Variants in LIMD1 observed in about 807,000 individuals in gnomAD.
LIMD1 encodes the protein LIM domain-containing protein 1.
A neutral mutation model predicts 58.4 loss-of-function variants in LIMD1; 23 were observed. The observed-to-expected ratio is 0.39, with a 90% CI of 0.28 to 0.56. The LOEUF is 0.56. LIMD1 is among the 20% of genes least tolerant of loss of function. LIMD1 has a pLI of 0.57. For synonymous variants in LIMD1, 334 were observed against 345.5 expected, an observed-to-expected ratio of 0.97 and a Z score of 0.37; for missense variants, 838 against 855.5, an observed-to-expected ratio of 0.98 and a Z score of 0.25.
chr3:45,645,426 T>C lies in LIMD1; in HGVS notation c.1510+9175T>C, dbSNP rs368246879. ...ACTTTGGTGTAACCTATACCTTATG[T>C]GGCCATGTCTGCATCCTAAGCTCCT... On this transcript the variant is annotated intron_variant, in intron 2 of 7. Coordinates refer to ENST00000273317, the MANE Select transcript of LIMD1 (RefSeq NM_014240.3). Among the ~76,000 whole-genome samples the C allele has an allele frequency of 2.6e-5, 4 of 152,246 alleles. No homozygotes were observed. The East Asian group carries it at 5.8e-4, about 22-fold the overall frequency.
Position 45,632,634 on chromosome 3 carries a change from T to A in LIMD1, c.1409-3516T>A, listed in dbSNP as rs1351567899. Reference sequence around the variant, plus strand: ...AACTCACACTTGTTTCCTTGAGCACTTGCGGAGGCCACAGTTAAGACATGG... The same window carrying A: ...AACTCACACTTGTTTCCTTGAGCACATGCGGAGGCCACAGTTAAGACATGG... On this transcript the variant is annotated intron_variant, in intron 1 of 7. Coordinates refer to ENST00000273317, the MANE Select transcript of LIMD1 (RefSeq NM_014240.3). The A allele has an allele frequency of 3.9e-6, 3 of 775,114 alleles. No homozygotes were observed. The African/African-American group carries it at 5.6e-5, about 15-fold the overall frequency. The allele number at this position is 775,114 out of a possible 1,614,324, so 48.0% of individuals were successfully genotyped here.
At chr3:45,633,236 A>G (rs1476501783) in intron 1 of LIMD1, among the ~76,000 whole-genome samples, 1 of 152,114 alleles carries the variant, frequency 6.6e-6, no homozygotes, top group African/African-American at 2.4e-5. Flanking sequence ...ATGCACACAC[A>G]TGCATTTCAT....
intron 2 of LIMD1, among the ~76,000 whole-genome samples, chr3:45,643,779 G>A (rs772669447): frequency 6.6e-6 from 1 of 152,224 alleles, no homozygotes; most frequent in Non-Finnish European, 1.5e-5. Flanking sequence ...ATTACGCCTA[G>A]TGCAGGTCCG....
chr3:45,608,644 A>G (rs1478105332), intron 1 of LIMD1, among the ~76,000 whole-genome samples: 1 of 152,156 alleles, frequency 6.6e-6, no homozygotes, highest in Non-Finnish European at 1.5e-5. Context: ...GTTTGAGACC[A>G]GCCTGGCTAA....
At chr3:45,606,474 C>CCGG (rs1701469052) in intron 1 of LIMD1, among the ~76,000 whole-genome samples, 2 of 152,158 alleles carry the variant, frequency 1.3e-5, no homozygotes, top group South Asian at 4.1e-4. Context: ...GAGTTGGGTC[C>CCGG]CACTCTTGCA....
chr3:45,674,311 TC>T (rs754331279), intron 6 of LIMD1, 31 bp from the exon 7 acceptor site: 1 of 1,600,144 alleles, frequency 6.2e-7, no homozygotes, highest in South Asian at 1.1e-5. Flanking sequence ...AACAGGCCTC[TC>T]CTATGTGTTC....
intron 2 of LIMD1, among the ~76,000 whole-genome samples, chr3:45,652,560 T>A (rs1701985375): frequency 6.6e-6 from 1 of 152,234 alleles, no homozygotes; most frequent in African/African-American, 2.4e-5. Context: ...TCTGGGATGC[T>A]GTTAAATTAT....
intron 1 of LIMD1, among the ~76,000 whole-genome samples, chr3:45,612,685 C>A (rs533868559): frequency 2.0e-5 from 3 of 152,294 alleles, no homozygotes; most frequent in South Asian, 4.1e-4. Flanking sequence ...AGTTAGTGCT[C>A]ACCTCCAGGC....
intron 1 of LIMD1, among the ~76,000 whole-genome samples, chr3:45,622,198 C>T (rs914376310): frequency 6.6e-6 from 1 of 152,178 alleles, no homozygotes; most frequent in African/African-American, 2.4e-5. Flanking sequence ...AGCTGTCACT[C>T]CCTGCTCCGC....
chr3:45,603,574 T>C (rs1281469762), intron 1 of LIMD1, among the ~76,000 whole-genome samples: 2 of 152,208 alleles, frequency 1.3e-5, no homozygotes, highest in Non-Finnish European at 2.9e-5. Flanking sequence ...GTAACATTTG[T>C]CAGTGACATT....
chr3:45,634,599 A>G (rs1188603884), intron 1 of LIMD1, among the ~76,000 whole-genome samples: 1 of 152,214 alleles, frequency 6.6e-6, no homozygotes, highest in Non-Finnish European at 1.5e-5. Context: ...CTTTGCACAT[A>G]TTCTCTTAAC....
chr3:45,673,908 A>C (rs1023262668), intron 6 of LIMD1: 24 of 252,166 alleles, frequency 9.5e-5, no homozygotes, highest in Admixed American at 8.9e-4. Flanking sequence ...ACCAAAAAAA[A>C]CCCCACTTCA....
chr3:45,606,922 T>A (rs1701472983), intron 1 of LIMD1, among the ~76,000 whole-genome samples: 1 of 152,212 alleles, frequency 6.6e-6, no homozygotes. Context: ...GCTTCCCAAG[T>A]ACCTGGGATT....
At chr3:45,648,004 T>C (rs183584695) in intron 2 of LIMD1, among the ~76,000 whole-genome samples, 1 of 151,998 alleles carries the variant, frequency 6.6e-6, no homozygotes, top group African/African-American at 2.4e-5. Flanking sequence ...TTGGGTCCCA[T>C]GTGCACCCTT....
chr3:45,675,027 C>T (rs1018457856), intron 7 of LIMD1, among the ~76,000 whole-genome samples: 1 of 152,108 alleles, frequency 6.6e-6, no homozygotes, highest in African/African-American at 2.4e-5. Context: ...GTGAATTCAC[C>T]CATGGAAGGA....
Position 45,595,126 on chromosome 3 carries a change from C to A in LIMD1, c.247C>A (p.Arg83Ser), listed in dbSNP as rs916408977. 3.1e-6 allele frequency: 5 copies of A among 1,607,414 alleles called. No individual in the cohort carries two copies. In the South Asian group the frequency reaches 4.4e-5, roughly 14 times the overall value. The change falls in exon 1 of 8, where the codon CGC becomes AGC. Residue 83 changes from arginine (R) to serine (S), a missense_variant. By Grantham distance (110) the Arg-to-Ser change is moderately radical (BLOSUM62 -1). Transcript: ENST00000273317. The stretch of plus-strand genomic sequence containing the variant: ...TAGAGGCCCTGTCAATGGAGGGGGC[C>A]GCCTGGGCCCACAGGCCCGTTGGGA... ...GSRGPVNGGG[R>S]LGPQARWEVV... is the part of the protein sequence containing the mutation.
Position 45,675,772 on chromosome 3 carries a change from C to T in LIMD1, c.1894-1150C>T, listed in dbSNP as rs546985429. Among the ~76,000 whole-genome samples, 59 of 152,130 alleles carry T rather than the reference C, an allele frequency of 3.9e-4. 1 individual carries two copies. The highest frequency in any genetic ancestry group is 3.7e-3 in the South Asian group (18 of 4,810). On this transcript the variant is annotated intron_variant, in intron 7 of 7. Coordinates refer to ENST00000273317, the MANE Select transcript of LIMD1 (RefSeq NM_014240.3). ...CTGTAATCTTAGCACTTTGGAAGGC[C>T]GAGGCAGGGGGATCACATGAGCCCA... is the stretch of plus-strand genomic sequence containing the variant.
At chr3:45,628,814 A>G (rs1403714013) in intron 1 of LIMD1, among the ~76,000 whole-genome samples, 1 of 152,262 alleles carries the variant, frequency 6.6e-6, no homozygotes, top group Non-Finnish European at 1.5e-5. Flanking sequence ...ATGGTGGAAT[A>G]CCACATGGCA....
chr3:45,624,373 G>A (rs1003785571), intron 1 of LIMD1, among the ~76,000 whole-genome samples: 1 of 152,044 alleles, frequency 6.6e-6, no homozygotes, highest in African/African-American at 2.4e-5. Context: ...TAGGAGCAGG[G>A]CCACATTCAT....
Sources: allele counts gnomAD v4.1 joint callset (sites outside exome capture counted in the v4.1 genomes callset), GRCh38; gene constraint gnomAD v4.1.1; transcripts MANE v1.5; gene names NCBI Gene and HGNC (gene_info 2026-07-23, HGNC 2026-07-21).